The following CELF4 variants were observed in gnomAD, a reference collection of about 807,000 sequenced individuals.
CELF4 encodes the protein CUGBP Elav-like family member 4, also known as CUG-BP- and ETR-3-like factor 4.
In CELF4, 18 loss-of-function variants were observed where a neutral mutation model predicts 59.9. The observed-to-expected ratio is 0.30, with a 90% CI of 0.21 to 0.45. The LOEUF (loss-of-function observed/expected upper bound fraction) is 0.45, where lower values mean the gene tolerates loss of function less well. Among genes scored for constraint, CELF4 ranks in the 20% least tolerant of loss-of-function variants. CELF4 has a pLI of 1.00. For synonymous variants in CELF4, 261 were observed against 267.1 expected, an observed-to-expected ratio of 0.98 and a Z score of 0.22; for missense variants, 456 against 689.0, an observed-to-expected ratio of 0.66 and a Z score of 3.79.
intron 2 of CELF4, among the ~76,000 whole-genome samples, chr18:37,447,220 C>T (rs2099750582): frequency 1.3e-5 from 2 of 152,384 alleles, no homozygotes; most frequent in East Asian, 1.9e-4. Flanking sequence ...AATCACCAAA[C>T]ACTTGGCATC....
At chr18:37,261,238 GC>G (rs1274831414) in intron 10 of CELF4, among the ~76,000 whole-genome samples, 199 of 106,964 alleles carry the variant, frequency 1.9e-3, no homozygotes, top group African/African-American at 6.7e-3. Flanking sequence ...GCCCCCTCCA[GC>G]CCCCCCCACA....
chr18:37,301,598 G>T (rs945335854), intron 3 of CELF4, among the ~76,000 whole-genome samples: 1 of 152,196 alleles, frequency 6.6e-6, no homozygotes, highest in African/African-American at 2.4e-5. Flanking sequence ...CAGGTTGGGG[G>T]TTCTCCTCCT....
chr18:37,515,737 G>A (rs955292063), intron 1 of CELF4, among the ~76,000 whole-genome samples: 1 of 152,070 alleles, frequency 6.6e-6, no homozygotes, highest in African/African-American at 2.4e-5. Flanking sequence ...CTGGGGGTGT[G>A]GGCATGGTGT....
chr18:37,474,340 C>T (rs565421987), intron 2 of CELF4, among the ~76,000 whole-genome samples: 82 of 152,326 alleles, frequency 5.4e-4, no homozygotes, highest in African/African-American at 1.9e-3. Context: ...CAGAGGTAGG[C>T]CAGGTGTGTG....
intron 4 of CELF4, 75 bp from the exon 5 acceptor site, chr18:37,274,959 C>A: frequency 6.4e-7 from 1 of 1,556,750 alleles, no homozygotes; most frequent in South Asian, 1.2e-5. Flanking sequence ...GGGCGCATCC[C>A]AGGTGAACGC....
chr18:37,557,245 C>A (rs1018737658), intron 1 of CELF4, among the ~76,000 whole-genome samples: 4 of 152,142 alleles, frequency 2.6e-5, no homozygotes, highest in African/African-American at 9.7e-5. Context: ...GCACACACAC[C>A]CCCCTTTTGT....
At chr18:37,541,586 C>G (rs1413526329) in intron 1 of CELF4, among the ~76,000 whole-genome samples, 1 of 152,132 alleles carries the variant, frequency 6.6e-6, no homozygotes, top group African/African-American at 2.4e-5. Context: ...ACACTTCTTG[C>G]TAACCTTAGA....
intron 1 of CELF4, among the ~76,000 whole-genome samples, chr18:37,500,314 C>T (rs1421934195): frequency 6.6e-6 from 1 of 152,100 alleles, no homozygotes; most frequent in Non-Finnish European, 1.5e-5. Flanking sequence ...TCTGTCTTCA[C>T]TTCACCTTGA....
intron 12 of CELF4, among the ~76,000 whole-genome samples, chr18:37,252,004 T>A (rs2065804140): frequency 6.6e-6 from 1 of 151,538 alleles, no homozygotes; most frequent in Admixed American, 6.6e-5. Context: ...TTGCAGAGAG[T>A]GGAGGCACAA....
rs2099974166 is a variant in CELF4, at chr18:37,537,157, C to T, written c.286+28199G>A. Among the ~76,000 whole-genome samples, 3 of 152,240 alleles carry T rather than the reference C, an allele frequency of 2.0e-5. No individual in the cohort carries two copies. In the South Asian group the frequency reaches 6.2e-4, roughly 31 times the overall value. On this transcript the variant is annotated intron_variant, in intron 1 of 12. Coordinates refer to ENST00000420428, the MANE Select transcript of CELF4 (RefSeq NM_020180.4). ...CTCTTGTATTTGTCTTCTCCCCTTA[C>T]ATTTTCTGCTGTGCACTCAGTTATC... is the stretch of plus-strand genomic sequence containing the variant.
intron 2 of CELF4, among the ~76,000 whole-genome samples, chr18:37,424,109 T>C (rs1258741951): frequency 6.6e-6 from 1 of 152,172 alleles, no homozygotes; most frequent in Non-Finnish European, 1.5e-5. Context: ...TTGAAAATCA[T>C]GGCAATTACT....
Position 37,477,502 on chromosome 18 carries a change from T to TCA in CELF4, c.369+8022_369+8023insTG, listed in dbSNP as rs1365811124. On this transcript the variant is annotated intron_variant, in intron 2 of 12. Coordinates refer to ENST00000420428, the MANE Select transcript of CELF4 (RefSeq NM_020180.4). Reference sequence around the variant, plus strand: ...TGGGTGGTTTGCAGGTGGTGGGACCTTTATTTTACAATGACACCCTTGGCC... The same window carrying TCA: ...TGGGTGGTTTGCAGGTGGTGGGACCTCATTATTTTACAATGACACCCTTGGCC... Among the ~76,000 whole-genome samples, 7 of 152,270 alleles carry TCA rather than the reference T, an allele frequency of 4.6e-5. No homozygotes were observed. In the East Asian group the frequency reaches 1.4e-3, roughly 29 times the overall value.
At chr18:37,480,728 G>C (rs7229872) in intron 2 of CELF4, among the ~76,000 whole-genome samples, 44,998 of 151,838 alleles carry the variant, frequency 0.3, 6,952 homozygotes, top group African/African-American at 0.39. Context: ...AGTTGAAAGA[G>C]GGAGGGAGGA....
intron 2 of CELF4, among the ~76,000 whole-genome samples, chr18:37,436,995 T>C (rs61662323): frequency 6.6e-6 from 1 of 152,304 alleles, no homozygotes; most frequent in African/African-American, 2.4e-5. Flanking sequence ...GTTCTGATAA[T>C]GGGGGGAGCA....
chr18:37,441,303 G>C (rs2099717850), intron 2 of CELF4, among the ~76,000 whole-genome samples: 1 of 151,814 alleles, frequency 6.6e-6, no homozygotes, highest in Non-Finnish European at 1.5e-5. Flanking sequence ...GTGTGTGTGT[G>C]TGTGTGTACA....
At chr18:37,328,495 C>G (rs1450787368) in intron 2 of CELF4, among the ~76,000 whole-genome samples, 1 of 152,180 alleles carries the variant, frequency 6.6e-6, no homozygotes, top group Non-Finnish European at 1.5e-5. Flanking sequence ...CCCTGCTCAG[C>G]AGAAGGGCTC....
At chr18:37,344,120 T>C (rs1199350745) in intron 2 of CELF4, among the ~76,000 whole-genome samples, 1 of 152,244 alleles carries the variant, frequency 6.6e-6, no homozygotes, top group Non-Finnish European at 1.5e-5. Flanking sequence ...CATCCACTGC[T>C]GGCTTGATGT....
intron 2 of CELF4, among the ~76,000 whole-genome samples, chr18:37,442,594 C>T (rs1415566972): frequency 6.6e-6 from 1 of 152,158 alleles, no homozygotes; most frequent in Non-Finnish European, 1.5e-5. Flanking sequence ...GCACAGCGAG[C>T]CCATGGGAAG....
At position 37,550,510 on chromosome 18, in the gene CELF4, G is replaced by A. The variant is rs115477534; in HGVS notation, c.286+14846C>T. The stretch of plus-strand genomic sequence containing the variant: ...GCTAAGCTGAAACTTTCCCAGAGTT[G>A]GTGCTCTTAAGGAGGGACGTGGTGT... On this transcript the variant is annotated intron_variant, in intron 1 of 12. Coordinates refer to ENST00000420428, the MANE Select transcript of CELF4 (RefSeq NM_020180.4). 3.5e-3 allele frequency among the ~76,000 whole-genome samples: 533 copies of A among 152,292 alleles called. 2 individuals carry two copies. Among genetic ancestry groups the A allele is most frequent in the African/African-American group, 0.012 (498 of 41,554 alleles).
Sources: allele counts gnomAD v4.1 joint callset (sites outside exome capture counted in the v4.1 genomes callset), GRCh38; gene constraint gnomAD v4.1.1; transcripts MANE v1.5; gene names NCBI Gene and HGNC (gene_info 2026-07-23, HGNC 2026-07-21).